HSD17B11: variants seen among roughly 807,000 people sequenced by gnomAD.
HSD17B11 encodes estradiol 17-beta-dehydrogenase 11.
HSD17B11 carries 22 observed loss-of-function variants against 27.8 expected under a neutral mutation model. The observed-to-expected ratio is 0.79, with a 90% CI of 0.56 to 1.13. The LOEUF (loss-of-function observed/expected upper bound fraction) is 1.13, where lower values mean the gene tolerates loss of function less well. Ranked by LOEUF, HSD17B11 falls within the 50% of genes most tolerant of loss-of-function variation. The probability of loss-of-function intolerance (pLI) is 0.00; values close to 1 mark genes in which losing one functional copy is unlikely to be tolerated. For missense variants in HSD17B11, 314 were observed against 351.1 expected, an observed-to-expected ratio of 0.89 and a Z score of 0.84; for synonymous variants, 117 against 132.8, an observed-to-expected ratio of 0.88 and a Z score of 0.82.
intron 3 of HSD17B11, 52 bp from the exon 4 acceptor site, chr4:87,372,867 G>T: frequency 9.4e-7 from 1 of 1,058,514 alleles, no homozygotes; most frequent in Non-Finnish European, 1.4e-6. Context: ...CAGACTCACA[G>T]ACCTATTGGG....
At chr4:87,361,496 G>GCT (rs1735513285) in intron 4 of HSD17B11, among the ~76,000 whole-genome samples, 1 of 152,190 alleles carries the variant, frequency 6.6e-6, no homozygotes, top group South Asian at 2.1e-4. Context: ...GGCCGGGCAT[G>GCT]GTGGCTCATG....
chr4:87,381,286 G>A (rs1175953361), intron 2 of HSD17B11, among the ~76,000 whole-genome samples: 1 of 151,184 alleles, frequency 6.6e-6, no homozygotes, highest in African/African-American at 2.4e-5. Flanking sequence ...CACTGAATTA[G>A]AATATCCAGG....
Position 87,347,126 on chromosome 4 carries a change from T to TC in HSD17B11, c.696-6521_696-6520insG, listed in dbSNP as rs1262239616. Among the ~76,000 whole-genome samples the TC allele has an allele frequency of 1.2e-4, 11 of 89,496 alleles. 1 individual carries two copies. The highest frequency in any genetic ancestry group is 2.2e-4 in the Non-Finnish European group (10 of 46,266). The allele number at this position is 89,496 out of a possible 152,430, so 58.7% of individuals were successfully genotyped here. A position where few individuals can be genotyped will look rare whatever the true frequency, so the allele number is the denominator to read the frequency against. ...GGATTTTTTTTTTTTCTTTTTTTTT[T>TC]TTTTTTTTTTATTATACTCTAAGTT... On this transcript the variant is annotated intron_variant, in intron 5 of 6. Transcript: ENST00000358290.
chr4:87,378,963 T>A (rs868161008), intron 2 of HSD17B11, among the ~76,000 whole-genome samples: 4,962 of 65,282 alleles, frequency 0.076, 757 homozygotes, highest in East Asian at 0.21. Context: ...TATATATATT[T>A]TTTTTTTTTT....
At chr4:87,370,755 A>AT (rs57047986) in intron 4 of HSD17B11, among the ~76,000 whole-genome samples, 1,250 of 57,478 alleles carry the variant, frequency 0.022, 105 homozygotes, top group East Asian at 0.1. Context: ...TATTATTATT[A>AT]TTTTTTTTTT....
At chr4:87,365,056 C>T (rs1735591130) in intron 4 of HSD17B11, among the ~76,000 whole-genome samples, 1 of 152,198 alleles carries the variant, frequency 6.6e-6, no homozygotes, top group Non-Finnish European at 1.5e-5. Context: ...GTAATCCCAG[C>T]TACGCGGGAG....
intron 1 of HSD17B11, among the ~76,000 whole-genome samples, chr4:87,383,214 C>T (rs921108603): frequency 1.3e-5 from 2 of 152,016 alleles, no homozygotes; most frequent in African/African-American, 4.8e-5. Flanking sequence ...AGGTCAAGGC[C>T]AGAAGAAGTT....
At chr4:87,342,449 G>A (rs992734748) in intron 5 of HSD17B11, among the ~76,000 whole-genome samples, 3 of 150,150 alleles carry the variant, frequency 2.0e-5, no homozygotes, top group African/African-American at 7.5e-5. Context: ...ACTCACGCCT[G>A]TAATCTTAGC....
chr4:87,366,702 CCA>C (rs1482066070), intron 4 of HSD17B11, among the ~76,000 whole-genome samples: 1 of 152,100 alleles, frequency 6.6e-6, no homozygotes, highest in African/African-American at 2.4e-5. Flanking sequence ...TTTTTATCAT[CCA>C]CAGACAGTTG....
intron 4 of HSD17B11, among the ~76,000 whole-genome samples, chr4:87,365,138 C>A (rs945013207): frequency 1.3e-5 from 2 of 152,096 alleles, no homozygotes; most frequent in African/African-American, 4.8e-5. Context: ...CACTGCACTC[C>A]AGCCTGGGTG....
intron 5 of HSD17B11, among the ~76,000 whole-genome samples, chr4:87,353,756 A>T (rs968578175): frequency 6.6e-6 from 1 of 152,242 alleles, no homozygotes; most frequent in East Asian, 1.9e-4. Flanking sequence ...AAAAAATTCA[A>T]TTATAACTTT....
chr4:87,387,335 G>A (rs1207950006), intron 1 of HSD17B11, among the ~76,000 whole-genome samples: 1 of 152,172 alleles, frequency 6.6e-6, no homozygotes, highest in African/African-American at 2.4e-5. Context: ...TGTGGACACT[G>A]CTGTCCTCAT....
rs1295199964 is a variant in HSD17B11, at chr4:87,382,347, T to C, written c.226A>G (p.Thr76Ala). 2.5e-6 allele frequency: 4 copies of C among 1,613,662 alleles called. No individual in the cohort carries two copies. Among genetic ancestry groups the C allele is most frequent in the Admixed American group, 1.7e-5 (1 of 60,018 alleles). The change falls in exon 2 of 7, where the codon ACA becomes GCA. Residue 76 changes from threonine (T) to alanine (A), a missense_variant. Coordinates refer to ENST00000358290, the MANE Select transcript of HSD17B11 (RefSeq NM_016245.5). ...CCCAGTCCCTTGCATTTGGCAGCTG[T>C]TTCCTCCAGTCCATGCTAGAAAAAG... ...WDINKHGLEETAAKCKGLGAK... is the reference protein window; with the variant it reads ...WDINKHGLEEAAAKCKGLGAK...
chr4:87,361,175 G>C (rs1735505737), intron 4 of HSD17B11, among the ~76,000 whole-genome samples: 1 of 152,064 alleles, frequency 6.6e-6, no homozygotes, highest in African/African-American at 2.4e-5. Context: ...TAAAGACCTT[G>C]CTAATAAAAC....
intron 2 of HSD17B11, among the ~76,000 whole-genome samples, chr4:87,376,079 A>G (rs1032252574): frequency 6.6e-6 from 1 of 152,198 alleles, no homozygotes; most frequent in South Asian, 2.1e-4. Context: ...AGGAGCTAAC[A>G]CTGTATCTAG....
intron 6 of HSD17B11, among the ~76,000 whole-genome samples, chr4:87,338,524 G>A (rs899007253): frequency 6.6e-6 from 1 of 152,070 alleles, no homozygotes; most frequent in Non-Finnish European, 1.5e-5. Context: ...ACAATGTACT[G>A]AGTACTTTTT....
At chr4:87,358,052 C>T (rs971158227) in intron 4 of HSD17B11, among the ~76,000 whole-genome samples, 1 of 146,588 alleles carries the variant, frequency 6.8e-6, no homozygotes, top group African/African-American at 2.6e-5. Flanking sequence ...AGCTCCGCCT[C>T]CCGGGTTCCC....
At chr4:87,338,511 C>A (rs1189084830) in intron 6 of HSD17B11, among the ~76,000 whole-genome samples, 2 of 152,060 alleles carry the variant, frequency 1.3e-5, no homozygotes, top group Non-Finnish European at 2.9e-5. Context: ...TTATTGAGTA[C>A]TTACAATGTA....
At chr4:87,390,796 A>T in intron 1 of HSD17B11, 65 bp downstream of exon 1, 1 of 1,453,994 alleles carries the variant, frequency 6.9e-7, no homozygotes. Context: ...GGTGGTTGCC[A>T]GCAAAATGCA....
Sources: allele counts gnomAD v4.1 joint callset (sites outside exome capture counted in the v4.1 genomes callset), GRCh38; gene constraint gnomAD v4.1.1; transcripts MANE v1.5; gene names NCBI Gene and HGNC (gene_info 2026-07-23, HGNC 2026-07-21).